The following NEK5 variants were observed in gnomAD, a reference collection of about 807,000 sequenced individuals.
The protein encoded by NEK5 is serine/threonine-protein kinase Nek5.
A neutral mutation model predicts 109.2 loss-of-function variants in NEK5; 88 were observed. That is an observed-to-expected ratio of 0.81 (90% CI 0.68 to 0.96). The LOEUF (loss-of-function observed/expected upper bound fraction) is 0.96. Ranked by LOEUF, NEK5 falls within the 40% of genes least tolerant of loss-of-function variation. The pLI is 0.00. For missense variants in NEK5, 834 were observed against 920.7 expected (o/e 0.91, Z 1.22); for synonymous variants, 283 against 299.9 (o/e 0.94, Z 0.58).
At chr13:52,121,675 A>G (rs1955973313) in intron 3 of NEK5, among the ~76,000 whole-genome samples, 1 of 152,200 alleles carries the variant, frequency 6.6e-6, no homozygotes, top group African/African-American at 2.4e-5. Context: ...CATAGGTGGT[A>G]ACCTTACTCT....
At chr13:52,084,762 AGT>A (rs368429926) in intron 16 of NEK5, among the ~76,000 whole-genome samples, 1,850 of 46,784 alleles carry the variant, frequency 0.04, 16 homozygotes, top group East Asian at 0.084. Flanking sequence ...AGAGAGAGAG[AGT>A]GTGTGTGTGT....
intron 15 of NEK5, 51 bp from the exon 16 acceptor site, chr13:52,086,414 C>T: frequency 9.4e-7 from 1 of 1,064,316 alleles, no homozygotes; most frequent in Non-Finnish European, 1.5e-6. Flanking sequence ...AACACCATAA[C>T]AAAAATAATC....
At chr13:52,126,237 G>T (rs192354154) in intron 3 of NEK5, among the ~76,000 whole-genome samples, 9 of 152,226 alleles carry the variant, frequency 5.9e-5, no homozygotes, top group African/African-American at 2.2e-4. Flanking sequence ...ACTAAAGAGG[G>T]TGACATAAAC....
intron 22 of NEK5, among the ~76,000 whole-genome samples, chr13:52,061,473 G>A (rs200296530): frequency 3.4e-4 from 52 of 152,324 alleles, no homozygotes; most frequent in African/African-American, 1.1e-3. Context: ...TATTGTCCAT[G>A]GGATAGTAAT....
chr13:52,050,224 A>G lies in NEK5; in HGVS notation c.2111-3T>C. On this transcript the variant is annotated splice_polypyrimidine_tract_variant and splice_region_variant and intron_variant, in intron 22 of 23. Coordinates refer to ENST00000684899, the MANE Select transcript of NEK5 (RefSeq NM_001365552.1). ...CCATTGTTTTAATGTTCCCATTGCT[A>G]AAGAAATGACAGAGAAAGATATGAA... The G allele has an allele frequency of 1.0e-6, 1 of 969,214 alleles. No homozygotes were observed. The allele number at this position is 969,214 out of a possible 1,614,324, so 60.0% of individuals were successfully genotyped here.
rs765026007 is a variant in NEK5 at position 52,099,777 on chromosome 13, C to T, written c.992G>A (p.Trp331Ter). ...KRNAILHRNE[W>*]RPPAGAQKAR... ...CTTCTGGGCTCCAGCTGGTGGTCTC[C>T]ATTCATTTCTATGCAATATAGCATT... Residue 331 changes from tryptophan (W) to a stop codon, truncating the protein, a stop_gained, in exon 12 of 24, where the codon TGG (tryptophan) becomes TAG (stop). Transcript: ENST00000684899. LOFTEE classifies it high-confidence loss of function. 38 of 1,613,632 alleles carry T rather than the reference C, an allele frequency of 2.4e-5. No homozygotes were observed. The highest frequency in any genetic ancestry group is 3.1e-5 in the Non-Finnish European group (36 of 1,179,784).
At chr13:52,078,630 T>A (rs1178103541) in intron 17 of NEK5, among the ~76,000 whole-genome samples, 3 of 151,652 alleles carry the variant, frequency 2.0e-5, no homozygotes, top group African/African-American at 7.3e-5. Flanking sequence ...CAAGTCCTAA[T>A]CTGTGGCAGT....
At chr13:52,055,759 G>C (rs1171445111) in intron 22 of NEK5, among the ~76,000 whole-genome samples, 1 of 151,926 alleles carries the variant, frequency 6.6e-6, no homozygotes, top group African/African-American at 2.4e-5. Context: ...GAGAGATTTT[G>C]TCACCACCGG....
In NEK5 at chr13:52,050,064, A is replaced by G. The variant is rs142881673; in HGVS notation, c.2228+40T>C. The G allele has an allele frequency of 1.1e-3, 831 of 734,406 alleles. 1 individual carries two copies. The highest frequency in any genetic ancestry group is 1.3e-3 in the Non-Finnish European group (810 of 600,542). The allele number at this position is 734,406 out of a possible 1,614,324, so 45.5% of individuals were successfully genotyped here. A position where few individuals can be genotyped will look rare whatever the true frequency, so the allele number is the denominator to read the frequency against. ...CTCAACTGCAGCATTTTCACTTTGT[A>G]CCAGTGCTCGACTTAGGTATCGGCA... On this transcript the variant is annotated intron_variant, in intron 23 of 23. Coordinates refer to ENST00000684899, the MANE Select transcript of NEK5 (RefSeq NM_001365552.1).
rs1267000975 is a variant in NEK5 at position 52,063,958 on chromosome 13, G to A, written c.1975+1526C>T. Among the ~76,000 whole-genome samples, 361 of 146,336 alleles carry A rather than the reference G, an allele frequency of 2.5e-3. 3 individuals carry two copies. The highest frequency in any genetic ancestry group is 4.0e-3 in the Non-Finnish European group (265 of 65,956). On this transcript the variant is annotated intron_variant, in intron 21 of 23. Transcript: ENST00000684899. The stretch of plus-strand genomic sequence containing the variant: ...GTCCGGGAGGGAGGTGGGGGGGTCA[G>A]CCCCCCGCCCAGCCAGCCACCCCGT...
At chr13:52,072,151 A>G in intron 19 of NEK5, 81 bp from the exon 20 acceptor site, 1 of 1,097,856 alleles carries the variant, frequency 9.1e-7, no homozygotes, top group Non-Finnish European at 1.3e-6. Context: ...GTTCCTAGTA[A>G]AATTAATTAG....
At chr13:52,087,783 A>G (rs767162613) in intron 14 of NEK5, among the ~76,000 whole-genome samples, 4 of 151,504 alleles carry the variant, frequency 2.6e-5, no homozygotes, top group African/African-American at 4.9e-5. Flanking sequence ...CCGCCACCAC[A>G]CCCGGCTAAT....
At chr13:52,121,666 A>G (rs778505809) in intron 3 of NEK5, among the ~76,000 whole-genome samples, 1 of 152,220 alleles carries the variant, frequency 6.6e-6, no homozygotes, top group Non-Finnish European at 1.5e-5. Context: ...ACGAAAGCCC[A>G]TAGGTGGTAA....
chr13:52,120,677 A>AGGCAGGCAGATCACTTGAGCCG (rs1566829624), intron 3 of NEK5, among the ~76,000 whole-genome samples: 6 of 151,572 alleles, frequency 4.0e-5, no homozygotes, highest in African/African-American at 1.5e-4. Flanking sequence ...TTGGGAAGCC[A>AGGCAGGCAGATCACTTGAGCCG]AGGCAGGCAG....
rs998932853 is a variant in NEK5 at position 52,086,293 on chromosome 13, A to G, written c.1463T>C (p.Met488Thr). ...HNDMKEIRKK[M>T]GREPEENSKI... ...TGAATTTACCTCTGGTTCTCTCCCC[A>G]TCTTCTTTCTAATTTCTTTCATGTC... Residue 488 changes from methionine (M) to threonine (T), a missense_variant, in exon 16 of 24, where the codon ATG (methionine) becomes ACG (threonine). Coordinates refer to ENST00000684899, the MANE Select transcript of NEK5 (RefSeq NM_001365552.1). 1 of 1,603,258 alleles carries G rather than the reference A, an allele frequency of 6.2e-7. No homozygotes were observed. Among genetic ancestry groups the G allele is most frequent in the Non-Finnish European group, 8.5e-7 (1 of 1,170,182 alleles).
chr13:52,092,646 G>A (rs1955311732), intron 13 of NEK5, among the ~76,000 whole-genome samples: 3 of 152,200 alleles, frequency 2.0e-5, no homozygotes, highest in Admixed American at 2.0e-4. Context: ...AGCACTTTGG[G>A]AGGCTGAGGC....
At chr13:52,087,250 A>G (rs1435009200) in intron 15 of NEK5, 88 bp downstream of exon 15, 5 of 679,950 alleles carry the variant, frequency 7.4e-6, no homozygotes, top group Non-Finnish European at 1.3e-5. Flanking sequence ...GGGGCACTGT[A>G]GGAAATAGAA....
In NEK5 at chr13:52,101,989, A is replaced by T. The variant is rs1267523333; in HGVS notation, c.836T>A (p.Met279Lys). 5 of 1,614,090 alleles carry T rather than the reference A, an allele frequency of 3.1e-6. No individual in the cohort carries two copies. The highest frequency in any genetic ancestry group is 4.2e-6 in the Non-Finnish European group (5 of 1,180,032). ...TGGCGCTCCTGCTCTGCATATAAGCATGTGACTGAATTCTTCCTGAATGAC... is the reference window on the plus strand; with the variant it reads ...TGGCGCTCCTGCTCTGCATATAAGCTTGTGACTGAATTCTTCCTGAATGAC... ...PEVIQEEFSH[M>K]LICRAGAPAS... Residue 279 changes from methionine (M) to lysine (K), a missense_variant, in exon 11 of 24, where the codon ATG becomes AAG. Met to Lys is a moderately conservative substitution (Grantham distance 95). Coordinates refer to ENST00000684899, the MANE Select transcript of NEK5 (RefSeq NM_001365552.1).
chr13:52,072,549 C>G (rs1954801468), intron 19 of NEK5, among the ~76,000 whole-genome samples: 1 of 152,112 alleles, frequency 6.6e-6, no homozygotes. Context: ...TTCATTTCAG[C>G]AGGGCAACGT....
Sources: gnomAD v4.1 joint callset for allele counts (sites outside exome capture counted in the v4.1 genomes callset) on GRCh38, gnomAD v4.1.1 for gene constraint, MANE v1.5 for transcripts, NCBI Gene and HGNC (gene_info 2026-07-23, HGNC 2026-07-21) for gene names.